Variants in CFAP44 observed in about 807,000 individuals in gnomAD.
CFAP44 encodes cilia- and flagella-associated protein 44.
In CFAP44, 134 loss-of-function variants were observed where a neutral mutation model predicts 216.2. The ratio of observed to expected loss-of-function variants is 0.62; its 90% CI spans 0.54 to 0.72. The LOEUF (loss-of-function observed/expected upper bound fraction) is 0.72. CFAP44 is among the 30% of genes least tolerant of loss of function. The pLI, the probability that CFAP44 is intolerant of heterozygous loss-of-function variation, is 0.00. For synonymous variants in CFAP44, 700 were observed against 727.6 expected (o/e 0.96, Z 0.61); for missense variants, 2,035 against 2,182.1 (o/e 0.93, Z 1.34).
At chr3:113,312,257 G>GT (rs1950047145) in intron 28 of CFAP44, among the ~76,000 whole-genome samples, 1 of 77,932 alleles carries the variant, frequency 1.3e-5, no homozygotes, top group African/African-American at 5.4e-5. Flanking sequence ...TTTTTTTTTT[G>GT]TATTTTTAGG....
chr3:113,406,759 G>T (rs928738350), intron 8 of CFAP44, among the ~76,000 whole-genome samples, 168 bp downstream of exon 8: 1 of 152,020 alleles, frequency 6.6e-6, no homozygotes, highest in African/African-American at 2.4e-5. Context: ...CAATTTCAGG[G>T]AAATATTTTA....
chr3:113,419,922 TG>T (rs1934764740), intron 5 of CFAP44, 94 bp downstream of exon 5: 3 of 1,298,772 alleles, frequency 2.3e-6, no homozygotes, highest in Non-Finnish European at 3.2e-6. Flanking sequence ...ATACTGTGCA[TG>T]GTGTTGGCAT....
Position 113,400,562 on chromosome 3 carries a change from G to A in CFAP44, c.1457C>T (p.Ala486Val), listed in dbSNP as rs75322072. ...VAVSPLTYLMATTALDCSVRI... is the reference protein window; with the variant it reads ...VAVSPLTYLMVTTALDCSVRI... ...CTACTTACAGTCCAAGGCAGTTGTG[G>A]CCATGAGATAAGTGAGAGGAGAAAC... Residue 486 changes from alanine (A) to valine (V), a missense_variant, in exon 12 of 35, where the codon GCC becomes GTC. By Grantham distance (64) the Ala-to-Val change is moderately conservative. Transcript: ENST00000393845. 4.8e-4 allele frequency: 774 copies of A among 1,606,382 alleles called. 2 individuals are homozygous for A. Among genetic ancestry groups the A allele is most frequent in the African/African-American group, 3.4e-3 (253 of 74,506 alleles).
At chr3:113,317,271 C>T (rs1000933154) in intron 28 of CFAP44, among the ~76,000 whole-genome samples, 5 of 152,186 alleles carry the variant, frequency 3.3e-5, no homozygotes, top group Non-Finnish European at 7.3e-5. Flanking sequence ...ACATGGATCC[C>T]GAGTGCCTTT....
At position 113,344,868 on chromosome 3, in the gene CFAP44, T is replaced by C. The variant is rs536997826; in HGVS notation, c.3066-156A>G. Among the ~76,000 whole-genome samples the C allele has an allele frequency of 7.2e-4, 110 of 152,198 alleles. 1 individual carries two copies. Among genetic ancestry groups the C allele is most frequent in the African/African-American group, 2.4e-3 (100 of 41,568 alleles). On this transcript the variant is annotated intron_variant, in intron 22 of 34. Transcript: ENST00000393845. ...CATATATATACCAACCAGGATGTCA[T>C]GAAAGTTGGATTGGACTTGATTAAA...
intron 22 of CFAP44, among the ~76,000 whole-genome samples, chr3:113,346,736 C>T (rs1223322308): frequency 1.3e-5 from 2 of 152,182 alleles, no homozygotes; most frequent in East Asian, 3.8e-4. Context: ...GTAAAATGGA[C>T]CAATCAGCAC....
In CFAP44 at chr3:113,291,695, G is replaced by A; in HGVS notation, c.5427C>T (p.Val1809=). ...CCGCCTGGAGTTGGATCAATTCAGTGACCTCCTCTCTTGCCACAACATCTG... is the reference window on the plus strand; with the variant it reads ...CCGCCTGGAGTTGGATCAATTCAGTAACCTCCTCTCTTGCCACAACATCTG... ...READVVAREE[V]TELIQLQAER... Residue 1809 remains valine, a synonymous_variant, in exon 35 of 35, where the codon GTC becomes GTT. Transcript: ENST00000393845. 1.3e-6 allele frequency: 2 copies of A among 1,537,004 alleles called. No individual in the cohort carries two copies. The highest frequency in any genetic ancestry group is 1.7e-6 in the Non-Finnish European group (2 of 1,146,972).
intron 32 of CFAP44, among the ~76,000 whole-genome samples, chr3:113,298,948 T>C (rs752016366): frequency 4.6e-5 from 7 of 152,232 alleles, no homozygotes; most frequent in South Asian, 4.1e-4. Flanking sequence ...CTTAGTGCCA[T>C]TGAACTGTCC....
Position 113,288,414 on chromosome 3 carries a change from A to G in CFAP44, c.*3143T>C, listed in dbSNP as rs1414535559. On this transcript the variant is annotated 3_prime_UTR_variant, in exon 35 of 35. Coordinates refer to ENST00000393845, the MANE Select transcript of CFAP44 (RefSeq NM_001164496.2). ...AAAGGAAGGACTGTAAGGAACAGGT[A>G]AATGTTAGGAAATGAGAAGCAGAGC... 6.6e-6 allele frequency: 1 copy of G among 152,224 alleles called. No individual in the cohort carries two copies. The highest frequency in any genetic ancestry group is 1.5e-5 in the Non-Finnish European group (1 of 68,044). 9.4% of individuals were successfully genotyped at this position (152,224 alleles called of 1,614,324 possible). A position where few individuals can be genotyped will look rare whatever the true frequency, so the allele number is the denominator to read the frequency against.
At chr3:113,359,583 A>T (rs1287634662) in intron 21 of CFAP44, among the ~76,000 whole-genome samples, 1 of 152,208 alleles carries the variant, frequency 6.6e-6, no homozygotes, top group Non-Finnish European at 1.5e-5. Context: ...AATAGCATAA[A>T]GGTCTTTTAA....
chr3:113,355,257 A>G (rs1216201345), intron 22 of CFAP44, among the ~76,000 whole-genome samples: 1 of 152,180 alleles, frequency 6.6e-6, no homozygotes, highest in Non-Finnish European at 1.5e-5. Context: ...GTGGTGGCTC[A>G]CGCTTGTAAT....
intron 13 of CFAP44, among the ~76,000 whole-genome samples, chr3:113,397,966 A>C (rs1934035327): frequency 6.6e-6 from 1 of 152,160 alleles, no homozygotes; most frequent in Non-Finnish European, 1.5e-5. Context: ...TAGACATGTA[A>C]ACCTACCAAT....
chr3:113,307,553 T>C (rs756481510), intron 29 of CFAP44, among the ~76,000 whole-genome samples: 2 of 152,242 alleles, frequency 1.3e-5, no homozygotes, highest in Admixed American at 1.3e-4. Context: ...TTATATTTAT[T>C]GTCTTTCTCC....
chr3:113,366,428 C>T, intron 18 of CFAP44, 119 bp from the exon 19 acceptor site: 1 of 1,179,602 alleles, frequency 8.5e-7, no homozygotes, highest in Non-Finnish European at 1.2e-6. Context: ...ATTGTACACC[C>T]CTAAAATTCC....
In CFAP44 at chr3:113,406,947, T is replaced by G; in HGVS notation, c.985A>C (p.Met329Leu). 1.9e-6 allele frequency: 3 copies of G among 1,613,954 alleles called. No homozygotes were observed. Among genetic ancestry groups the G allele is most frequent in the Non-Finnish European group, 2.5e-6 (3 of 1,179,840 alleles). Residue 329 changes from methionine to leucine, a missense_variant, in exon 8 of 35, where the codon ATG becomes CTG. By Grantham distance (15) the Met-to-Leu change is conservative. Coordinates refer to ENST00000393845, the MANE Select transcript of CFAP44 (RefSeq NM_001164496.2). ...KTITTDIEGYMELPDGKVLSG... is the reference protein window; with the variant it reads ...KTITTDIEGYLELPDGKVLSG... Reference sequence around the variant, plus strand: ...CTCACCTTCCCATCTGGGAGCTCCATGTAGCCTTCTATATCAGTAGTGATT... The same window carrying G: ...CTCACCTTCCCATCTGGGAGCTCCAGGTAGCCTTCTATATCAGTAGTGATT...
At chr3:113,343,695 A>G (rs1168027330) in intron 23 of CFAP44, among the ~76,000 whole-genome samples, 1 of 152,304 alleles carries the variant, frequency 6.6e-6, no homozygotes, top group Non-Finnish European at 1.5e-5. Flanking sequence ...ACAAAAGACT[A>G]AACAGACAAG....
chr3:113,367,899 C>T (rs1485722867), intron 18 of CFAP44, among the ~76,000 whole-genome samples: 1 of 152,114 alleles, frequency 6.6e-6, no homozygotes, highest in Non-Finnish European at 1.5e-5. Context: ...TCTTAAATGA[C>T]CTCCTGGAGC....
intron 17 of CFAP44, among the ~76,000 whole-genome samples, chr3:113,374,362 C>A (rs1240166851): frequency 1.7e-5 from 2 of 116,260 alleles, no homozygotes; most frequent in African/African-American, 3.6e-5. Flanking sequence ...CTGTCAATTT[C>A]TTTTATTTAT....
At chr3:113,351,454 C>T (rs1950444044) in intron 22 of CFAP44, among the ~76,000 whole-genome samples, 1 of 152,162 alleles carries the variant, frequency 6.6e-6, no homozygotes, top group Admixed American at 6.5e-5. Flanking sequence ...CTACCACACA[C>T]TCTCAAAGGA....
Sources: gnomAD v4.1 joint callset for allele counts (sites outside exome capture counted in the v4.1 genomes callset) on GRCh38, gnomAD v4.1.1 for gene constraint, MANE v1.5 for transcripts, NCBI Gene and HGNC (gene_info 2026-07-23, HGNC 2026-07-21) for gene names.